The following TRMT11 variants were observed in gnomAD, a reference collection of about 807,000 sequenced individuals.
The protein encoded by TRMT11 is tRNA (guanine(10)-N(2))-methyltransferase TRMT11.
A neutral mutation model predicts 62.8 loss-of-function variants in TRMT11; 53 were observed. The ratio of observed to expected loss-of-function variants is 0.84; its 90% confidence interval spans 0.68 to 1.06. The LOEUF is 1.06. Ranked by LOEUF, TRMT11 falls within the 50% of genes least tolerant of loss-of-function variation. The pLI is 0.00. For synonymous variants in TRMT11, 188 were observed against 190.3 expected (o/e 0.99, Z 0.10); for missense variants, 556 against 553.4 (o/e 1.00, Z -0.05).
intron 1 of TRMT11, among the ~76,000 whole-genome samples, chr6:126,184,025 A>T (rs957968320): frequency 1.3e-5 from 2 of 152,242 alleles, no homozygotes; most frequent in South Asian, 4.2e-4. Context: ...ACTAATAATA[A>T]TAGATTATAT....
the TRMT11 span, among the ~76,000 whole-genome samples, chr6:126,240,073 A>C: frequency 6.6e-6 from 1 of 152,010 alleles, no homozygotes; most frequent in Non-Finnish European, 1.5e-5. Flanking sequence ...TCCTTTAAGG[A>C]CTTCTCTGGC....
At chr6:126,027,089 A>G (rs1392488682) in intron 12 of TRMT11, among the ~76,000 whole-genome samples, 1 of 152,130 alleles carries the variant, frequency 6.6e-6, no homozygotes, top group Non-Finnish European at 1.5e-5. Context: ...TACAGGCATG[A>G]GCCACCGCGC....
At chr6:126,092,448 G>A (rs1777287490) in intron 17 of TRMT11, among the ~76,000 whole-genome samples, 1 of 152,126 alleles carries the variant, frequency 6.6e-6, no homozygotes, top group African/African-American at 2.4e-5. Context: ...TGAGACATAT[G>A]CACTACCATG....
rs1359612600 is a variant in TRMT11, at chr6:126,008,398, T to C, written c.686T>C (p.Leu229Pro). The C allele has an allele frequency of 2.5e-6, 4 of 1,612,952 alleles. No individual in the cohort carries two copies. The African/African-American group carries it at 5.3e-5, about 22-fold the overall frequency. ...VFDPFVGTGG[L>P]LIACAHFGAY... is the part of the protein sequence containing the mutation. ...AAATTGTGTGATTTTTCAGGTGGCC[T>C]GCTGATAGCATGTGCTCATTTTGGT... The change falls in exon 8 of 13, where the codon CTG (leucine) becomes CCG (proline). Residue 229 changes from leucine (L) to proline (P), a missense_variant. Leu to Pro is a moderately conservative substitution (Grantham distance 98, BLOSUM62 -3). Transcript: ENST00000334379.
intron 11 of TRMT11, among the ~76,000 whole-genome samples, chr6:126,017,282 C>T (rs949488548): frequency 6.6e-6 from 1 of 152,104 alleles, no homozygotes; most frequent in Non-Finnish European, 1.5e-5. Context: ...TCAAGTTACA[C>T]ATTATAACCA....
intron 4 of TRMT11, 41 bp downstream of exon 4, chr6:125,998,175 A>T: frequency 6.3e-7 from 1 of 1,595,042 alleles, no homozygotes; most frequent in East Asian, 2.2e-5. Flanking sequence ...ATGCGTGCAG[A>T]TTCTGTAGAA....
At chr6:126,113,570 A>G (rs1158344196) in intron 18 of TRMT11, among the ~76,000 whole-genome samples, 1 of 152,090 alleles carries the variant, frequency 6.6e-6, no homozygotes, top group Non-Finnish European at 1.5e-5. Flanking sequence ...CAATGAATCA[A>G]TTCTACATTT....
intron 7 of TRMT11, among the ~76,000 whole-genome samples, chr6:126,002,173 T>G (rs921317504): frequency 1.3e-5 from 2 of 152,304 alleles, no homozygotes; most frequent in Middle Eastern, 3.4e-3. Flanking sequence ...GTGGACAAAC[T>G]AGAAAATATA....
intron 17 of TRMT11, among the ~76,000 whole-genome samples, chr6:126,100,887 G>A (rs1419831939): frequency 6.6e-6 from 1 of 152,248 alleles, no homozygotes; most frequent in Admixed American, 6.5e-5. Context: ...GTCTCCTGTG[G>A]GGGTGATGTG....
intron 21 of TRMT11, among the ~76,000 whole-genome samples, chr6:126,160,752 C>G (rs1778180509): frequency 6.6e-6 from 1 of 152,120 alleles, no homozygotes; most frequent in Non-Finnish European, 1.5e-5. Context: ...ACACTCTGAC[C>G]TCATATGCTT....
intron 21 of TRMT11, among the ~76,000 whole-genome samples, chr6:126,168,798 C>G (rs550868080): frequency 1.2e-4 from 18 of 152,094 alleles, no homozygotes; most frequent in African/African-American, 4.3e-4. Context: ...ATTACAGGTG[C>G]GAGCCACCAT....
intron 3 of TRMT11, among the ~76,000 whole-genome samples, chr6:126,201,053 C>T (rs576052972): frequency 2.0e-5 from 3 of 152,292 alleles, no homozygotes; most frequent in South Asian, 2.1e-4. Flanking sequence ...ATTTGAGTGA[C>T]AATCCAAAGC....
intron 21 of TRMT11, among the ~76,000 whole-genome samples, chr6:126,138,979 G>A (rs1777883839): frequency 6.6e-6 from 1 of 151,876 alleles, no homozygotes; most frequent in Admixed American, 6.6e-5. Flanking sequence ...AAAAACTTTA[G>A]TAAGTCAGTT....
At chr6:126,006,922 T>C (rs1333315406) in intron 7 of TRMT11, 1 of 152,020 alleles carries the variant, frequency 6.6e-6, no homozygotes, top group Non-Finnish European at 1.5e-5. Flanking sequence ...ACAGGAAAGC[T>C]TTTCTGTTCC....
intron 21 of TRMT11, among the ~76,000 whole-genome samples, chr6:126,161,038 C>A (rs546678721): frequency 6.6e-6 from 1 of 152,064 alleles, no homozygotes; most frequent in Non-Finnish European, 1.5e-5. Flanking sequence ...TGGCAGCCAC[C>A]ACCTGGTACA....
At position 126,200,593 on chromosome 6, in the gene TRMT11, G is replaced by A. The variant is rs367976273; in HGVS notation, n.371+693G>A. 1.8e-4 allele frequency among the ~76,000 whole-genome samples: 28 copies of A among 152,130 alleles called. No individual in the cohort carries two copies. The East Asian group carries it at 4.8e-3, about 26-fold the overall frequency. ...TTTTGAGACGGAGTCTTGCTCTGTCGCCCAGGCTGGAAGTGCAGTGGCACA... is the reference window on the plus strand; with the variant it reads ...TTTTGAGACGGAGTCTTGCTCTGTCACCCAGGCTGGAAGTGCAGTGGCACA... On this transcript the variant is annotated intron_variant and non_coding_transcript_variant, in intron 3 of 3. Transcript: ENST00000444229.
intron 1 of TRMT11, among the ~76,000 whole-genome samples, chr6:126,185,304 G>A (rs906165391): frequency 2.0e-5 from 3 of 152,082 alleles, no homozygotes; most frequent in East Asian, 3.9e-4. Context: ...TCTTCTCCAG[G>A]AAGCCATCAC....
rs1042974960 is a variant in TRMT11, at chr6:126,151,617, A to G, written c.*1824-23208A>G. 3.9e-5 allele frequency among the ~76,000 whole-genome samples: 6 copies of G among 152,128 alleles called. No homozygotes were observed. In the East Asian group the frequency reaches 9.6e-4, roughly 24 times the overall value. On this transcript the variant is annotated intron_variant and NMD_transcript_variant, in intron 21 of 22. Transcript: ENST00000648977. ...TGCCCAACCTCTCTCTCACCTTGCC[A>G]AATGCCTCCCACTTTCATAGTATCC...
rs565611638 is a variant in TRMT11 at position 126,020,497 on chromosome 6, G to C, written c.1140-663G>C. Among the ~76,000 whole-genome samples the C allele has an allele frequency of 3.3e-5, 5 of 152,266 alleles. No individual in the cohort carries two copies. The South Asian group carries it at 1.0e-3, about 32-fold the overall frequency. ...ATTGTCATCATCTTCATCCATGTAGGACATGTGCTGTACAGTAGCAGTCTC... is the reference window on the plus strand; with the variant it reads ...ATTGTCATCATCTTCATCCATGTAGCACATGTGCTGTACAGTAGCAGTCTC... On this transcript the variant is annotated intron_variant, in intron 11 of 12. Coordinates refer to ENST00000334379, the MANE Select transcript of TRMT11 (RefSeq NM_001031712.3).
Sources: allele counts gnomAD v4.1 joint callset (sites outside exome capture counted in the v4.1 genomes callset), GRCh38; gene constraint gnomAD v4.1.1; transcripts MANE v1.5; gene names NCBI Gene and HGNC (gene_info 2026-07-23, HGNC 2026-07-21).